GATAD2A: variants seen among roughly 807,000 people sequenced by gnomAD.
GATAD2A encodes GATA zinc finger domain containing 2A.
In GATAD2A, 12 loss-of-function variants were observed where a neutral mutation model predicts 68.5. That is an observed-to-expected ratio of 0.18 (90% confidence interval 0.11 to 0.28). The LOEUF (loss-of-function observed/expected upper bound fraction) is 0.28, where lower values mean the gene tolerates loss of function less well. Ranked by LOEUF, GATAD2A falls within the 10% of genes least tolerant of loss-of-function variation. The pLI is 1.00. For synonymous variants in GATAD2A, 410 were observed against 375.3 expected (o/e 1.09, Z -1.07); for missense variants, 755 against 868.5 (o/e 0.87, Z 1.64).
intron 1 of GATAD2A, chr19:19,427,486 TTAA>T (rs2053234217): frequency 6.6e-6 from 1 of 152,214 alleles, no homozygotes; most frequent in Non-Finnish European, 1.5e-5. Flanking sequence ...TAGAAGGCTC[TTAA>T]TGACATCATC....
intron 1 of GATAD2A, among the ~76,000 whole-genome samples, chr19:19,392,115 T>C (rs566440341): frequency 1.4e-5 from 2 of 147,174 alleles, no homozygotes; most frequent in African/African-American, 2.5e-5. Flanking sequence ...GACAGAGTCT[T>C]GTGCTCTGTC....
intron 2 of GATAD2A, among the ~76,000 whole-genome samples, chr19:19,488,718 C>T (rs142229778): frequency 2.0e-5 from 3 of 152,182 alleles, no homozygotes; most frequent in Admixed American, 1.3e-4. Flanking sequence ...TGCGTGTCAG[C>T]GAGCGGGTGA....
At chr19:19,389,635 C>T (rs2048702115) in intron 1 of GATAD2A, among the ~76,000 whole-genome samples, 1 of 152,164 alleles carries the variant, frequency 6.6e-6, no homozygotes, top group South Asian at 2.1e-4. Flanking sequence ...TGCTCTTCTC[C>T]TGCCTCTTCC....
chr19:19,495,652 AAAAC>A, intron 5 of GATAD2A, 98 bp from the exon 6 acceptor site: 1 of 1,085,332 alleles, frequency 9.2e-7, no homozygotes, highest in Non-Finnish European at 1.3e-6. Context: ...AAAAAAAAAA[AAAAC>A]TAGTATGTAC....
chr19:19,423,381 A>T (rs1193191217), intron 1 of GATAD2A, among the ~76,000 whole-genome samples: 1 of 152,210 alleles, frequency 6.6e-6, no homozygotes, highest in African/African-American at 2.4e-5. Flanking sequence ...TAGTTTCTTC[A>T]TTTATACTTT....
At chr19:19,502,591 G>A (rs536008159) in intron 11 of GATAD2A, 65 bp downstream of exon 11, 19 of 1,272,092 alleles carry the variant, frequency 1.5e-5, no homozygotes, top group East Asian at 2.3e-5. Context: ...TTCCTTAACC[G>A]AAACAGAGGC....
At chr19:19,461,935 C>T (rs1052577385) in intron 1 of GATAD2A, among the ~76,000 whole-genome samples, 1 of 152,232 alleles carries the variant, frequency 6.6e-6, no homozygotes, top group African/African-American at 2.4e-5. Flanking sequence ...TCTCAGCCCC[C>T]AGGACGGGGC....
chr19:19,482,767 G>A (rs1021710525), intron 2 of GATAD2A, among the ~76,000 whole-genome samples: 3 of 152,110 alleles, frequency 2.0e-5, no homozygotes, highest in Non-Finnish European at 2.9e-5. Context: ...TCATTTCTTC[G>A]ATTGTAGTCA....
chr19:19,422,924 G>A (rs1380748224), intron 1 of GATAD2A, among the ~76,000 whole-genome samples: 1 of 152,032 alleles, frequency 6.6e-6, no homozygotes, highest in Non-Finnish European at 1.5e-5. Flanking sequence ...TTTTAGCCAG[G>A]ATGGTCTCGA....
intron 1 of GATAD2A, among the ~76,000 whole-genome samples, chr19:19,414,263 A>G (rs1276356306): frequency 2.0e-5 from 3 of 152,182 alleles, no homozygotes; most frequent in Non-Finnish European, 2.9e-5. Flanking sequence ...TGAGGATTCT[A>G]CCTGGGACTT....
At position 19,506,311 on chromosome 19, in the gene GATAD2A, G is replaced by A. The variant is rs1236757131; in HGVS notation, c.*837G>A. ...ATTCCAGAAGCTGCCCATTAAGGGA[G>A]AAGGAGAGGATCCGGTCGGCAGCAG... On this transcript the variant is annotated 3_prime_UTR_variant, in exon 12 of 12. Coordinates refer to ENST00000683918, the MANE Select transcript of GATAD2A (RefSeq NM_001384528.1). 5.0e-6 allele frequency: 2 copies of A among 397,968 alleles called. No individual in the cohort carries two copies. The highest frequency in any genetic ancestry group is 8.9e-6 in the Non-Finnish European group (2 of 225,876). 24.7% of individuals were successfully genotyped at this position (397,968 alleles called of 1,614,324 possible).
chr19:19,464,016 T>C (rs573875299), intron 1 of GATAD2A, among the ~76,000 whole-genome samples: 62 of 152,322 alleles, frequency 4.1e-4, no homozygotes, highest in Non-Finnish European at 5.7e-4. Flanking sequence ...GTGCGTCCCA[T>C]GGATGGCGAC....
At position 19,487,738 on chromosome 19, in the gene GATAD2A, G is replaced by A. The variant is rs947181577; in HGVS notation, c.270-4568G>A. On this transcript the variant is annotated intron_variant, in intron 2 of 11. Coordinates refer to ENST00000683918, the MANE Select transcript of GATAD2A (RefSeq NM_001384528.1). The stretch of plus-strand genomic sequence containing the variant: ...ATGCTGGGCCATGTCTGTGGGCCAG[G>A]CCCCAGGAGGGCGGGGGATGTTAAC... Among the ~76,000 whole-genome samples the A allele has an allele frequency of 2.3e-4, 35 of 152,290 alleles. 1 individual carries two copies. Among genetic ancestry groups the A allele is most frequent in the African/African-American group, 7.7e-4 (32 of 41,560 alleles).
chr19:19,407,864 T>C (rs922797091), intron 1 of GATAD2A, among the ~76,000 whole-genome samples: 2 of 152,260 alleles, frequency 1.3e-5, no homozygotes, highest in Non-Finnish European at 2.9e-5. Flanking sequence ...CTGTATCCTC[T>C]GTCTTCACTT....
chr19:19,392,069 A>T (rs187213321), intron 1 of GATAD2A, among the ~76,000 whole-genome samples: 3 of 150,060 alleles, frequency 2.0e-5, no homozygotes, highest in African/African-American at 7.3e-5. Context: ...CTTTTGAATA[A>T]GAGTTTTTCC....
At chr19:19,430,183 C>A (rs2053573915) in intron 1 of GATAD2A, among the ~76,000 whole-genome samples, 1 of 152,170 alleles carries the variant, frequency 6.6e-6, no homozygotes, top group Non-Finnish European at 1.5e-5. Flanking sequence ...ACTAAGGTGG[C>A]AGGCAGTAGT....
intron 2 of GATAD2A, among the ~76,000 whole-genome samples, chr19:19,483,628 T>A (rs1397048962): frequency 6.6e-6 from 1 of 151,592 alleles, no homozygotes; most frequent in Non-Finnish European, 1.5e-5. Context: ...AGTGTTTTTT[T>A]TTTGGAGACT....
chr19:19,490,725 A>G (rs2059736754), intron 2 of GATAD2A, among the ~76,000 whole-genome samples: 1 of 152,038 alleles, frequency 6.6e-6, no homozygotes, highest in Admixed American at 6.5e-5. Context: ...GTACAAAAAT[A>G]CAAAAAAAAA....
chr19:19,496,476 C>G (rs1256205416), intron 7 of GATAD2A, among the ~76,000 whole-genome samples: 1 of 152,220 alleles, frequency 6.6e-6, no homozygotes, highest in Non-Finnish European at 1.5e-5. Context: ...GATGCACGGA[C>G]CTGAGCTGAA....
Sources: allele counts gnomAD v4.1 joint callset (sites outside exome capture counted in the v4.1 genomes callset), GRCh38; gene constraint gnomAD v4.1.1; transcripts MANE v1.5; gene names NCBI Gene and HGNC (gene_info 2026-07-23, HGNC 2026-07-21).